ITGB5: variants seen among roughly 807,000 people sequenced by gnomAD.
The protein encoded by ITGB5 is integrin subunit beta 5.
In ITGB5, 38 loss-of-function variants were observed where a neutral mutation model predicts 84.8. The ratio of observed to expected loss-of-function variants is 0.45; its 90% CI spans 0.35 to 0.59. The LOEUF (loss-of-function observed/expected upper bound fraction) is 0.59, where lower values mean the gene tolerates loss of function less well. Among genes scored for constraint, ITGB5 ranks in the 20% least tolerant of loss-of-function variants. The pLI is 0.01. For synonymous variants in ITGB5, 393 were observed against 414.4 expected (o/e 0.95, Z 0.63); for missense variants, 905 against 1,034.5 (o/e 0.87, Z 1.72).
At chr3:124,840,913 C>T (rs1052421908) in intron 5 of ITGB5, among the ~76,000 whole-genome samples, 1 of 152,196 alleles carries the variant, frequency 6.6e-6, no homozygotes, top group African/African-American at 2.4e-5. Context: ...ATCCACCTGC[C>T]TCGGCCTCCC....
chr3:124,890,776 G>A (rs527947645), upstream of ITGB5, among the ~76,000 whole-genome samples: 48 of 152,104 alleles, frequency 3.2e-4, no homozygotes, highest in Non-Finnish European at 5.7e-4. Context: ...TAAATCCTGA[G>A]TGATCCAGGC....
chr3:124,818,672 C>T (rs182601677), intron 7 of ITGB5, among the ~76,000 whole-genome samples: 1 of 152,040 alleles, frequency 6.6e-6, no homozygotes, highest in Admixed American at 6.5e-5. Context: ...CACCACCACG[C>T]CCTGAATAGG....
intron 5 of ITGB5, 44 bp from the exon 6 acceptor site, chr3:124,821,518 G>A (rs757971420): frequency 1.2e-6 from 2 of 1,603,310 alleles, no homozygotes; most frequent in Non-Finnish European, 1.7e-6. Context: ...TTTCTGCCCA[G>A]TCCTGCCCTG....
At position 124,886,933 on chromosome 3, in the gene ITGB5, G is replaced by A; in HGVS notation, c.68C>T (p.Ala23Val). The A allele has an allele frequency of 2.5e-6, 3 of 1,212,956 alleles. No individual in the cohort carries two copies. Among genetic ancestry groups the A allele is most frequent in the Non-Finnish European group, 3.1e-6 (3 of 975,946 alleles). 75.1% of individuals were successfully genotyped at this position (1,212,956 alleles called of 1,614,324 possible). The change falls in exon 1 of 15, where the codon GCA (alanine) becomes GTA (valine). Residue 23 changes from alanine (A) to valine (V), a missense_variant and splice_region_variant. Ala to Val is a moderately conservative substitution (Grantham distance 64, BLOSUM62 0). Coordinates refer to ENST00000296181, the MANE Select transcript of ITGB5 (RefSeq NM_002213.5). ...LGLCALLPRL[A>V]GLNICTSGSA... ...GCGCCGTGGGCGGCGCGGCTTACCT[G>A]CGAGCCGGGGCAGGAGCGCGCAGAG...
At chr3:124,795,476 G>C (rs552070140) in intron 10 of ITGB5, among the ~76,000 whole-genome samples, 1 of 151,574 alleles carries the variant, frequency 6.6e-6, no homozygotes, top group African/African-American at 2.4e-5. Flanking sequence ...GCAACAGAGT[G>C]AGACTCCATC....
At chr3:124,825,664 C>T (rs77982646) in intron 5 of ITGB5, among the ~76,000 whole-genome samples, 3,759 of 152,182 alleles carry the variant, frequency 0.025, 175 homozygotes, top group African/African-American at 0.085. Flanking sequence ...GATCAGTAGT[C>T]GCCAAAGTGG....
At chr3:124,785,502 G>A (rs1308638669) in intron 10 of ITGB5, among the ~76,000 whole-genome samples, 2 of 150,984 alleles carry the variant, frequency 1.3e-5, no homozygotes, top group African/African-American at 2.4e-5. Flanking sequence ...GGAGAATTGC[G>A]TGAACCCGGG....
chr3:124,855,465 T>C (rs1475382592), intron 3 of ITGB5, among the ~76,000 whole-genome samples: 1 of 152,226 alleles, frequency 6.6e-6, no homozygotes, highest in African/African-American at 2.4e-5. Context: ...CCACAAATTC[T>C]TCAGGTTTGC....
At chr3:124,807,869 G>A (rs185447638) in intron 9 of ITGB5, among the ~76,000 whole-genome samples, 3,931 of 145,326 alleles carry the variant, frequency 0.027, 86 homozygotes, top group African/African-American at 0.049. Context: ...GTGAACCCGG[G>A]AGGCAGAGCT....
At chr3:124,832,630 C>G (rs2064876122) in intron 5 of ITGB5, among the ~76,000 whole-genome samples, 1 of 152,198 alleles carries the variant, frequency 6.6e-6, no homozygotes, top group African/African-American at 2.4e-5. Flanking sequence ...AGAGTCTGTT[C>G]TCTGGCTGTG....
chr3:124,793,626 C>T (rs1444119949), intron 10 of ITGB5, among the ~76,000 whole-genome samples: 1 of 152,222 alleles, frequency 6.6e-6, no homozygotes, highest in Non-Finnish European at 1.5e-5. Context: ...TCTCTTATTC[C>T]TCATAACAAC....
chr3:124,883,125 C>T (rs9968182), intron 1 of ITGB5, among the ~76,000 whole-genome samples: 67,171 of 151,986 alleles, frequency 0.44, 15,114 homozygotes, highest in East Asian at 0.67. Flanking sequence ...CAGCTGCACA[C>T]TGCCATGTGA....
chr3:124,829,348 G>T (rs7625270), intron 5 of ITGB5, among the ~76,000 whole-genome samples: 1,572 of 152,346 alleles, frequency 0.01, 21 homozygotes, highest in African/African-American at 0.036. Flanking sequence ...AGATGAAAGC[G>T]TTAGGAGCGC....
At chr3:124,880,458 C>T (rs1174921964) in intron 1 of ITGB5, among the ~76,000 whole-genome samples, 2 of 152,080 alleles carry the variant, frequency 1.3e-5, no homozygotes, top group East Asian at 1.9e-4. Flanking sequence ...TCTTTGAAGG[C>T]TTTTTTAAGG....
At chr3:124,813,281 A>G (rs1465552121) in intron 8 of ITGB5, among the ~76,000 whole-genome samples, 2 of 152,170 alleles carry the variant, frequency 1.3e-5, no homozygotes, top group Non-Finnish European at 2.9e-5. Context: ...ACTCTCACAC[A>G]CCACTCAACA....
chr3:124,818,379 A>G (rs1324972503), intron 7 of ITGB5, among the ~76,000 whole-genome samples: 2 of 151,896 alleles, frequency 1.3e-5, no homozygotes, highest in Non-Finnish European at 2.9e-5. Flanking sequence ...AGGTGTATTT[A>G]GCTCTGAGGA....
At chr3:124,865,933 A>G (rs560292911) in intron 2 of ITGB5, among the ~76,000 whole-genome samples, 2 of 152,250 alleles carry the variant, frequency 1.3e-5, no homozygotes. Context: ...CATCACTGTT[A>G]CATGGAGGAT....
At chr3:124,763,775 C>T (rs996274721) in intron 14 of ITGB5, 57 bp from the exon 15 acceptor site, 42 of 1,028,582 alleles carry the variant, frequency 4.1e-5, no homozygotes, top group South Asian at 1.1e-4. Context: ...ACACTCAAAC[C>T]GACAGACGCA....
In ITGB5 at chr3:124,763,167, C is replaced by T. The variant is rs552633047; in HGVS notation, c.*456G>A. ...AAAAGTCTCAGGACTCAGAACTACACCATAAATGCAGGATCTTTTTATTTC... is the reference window on the plus strand; with the variant it reads ...AAAAGTCTCAGGACTCAGAACTACATCATAAATGCAGGATCTTTTTATTTC... On this transcript the variant is annotated 3_prime_UTR_variant, in exon 15 of 15. Transcript: ENST00000296181. The T allele has an allele frequency of 4.1e-4, 66 of 161,268 alleles. No homozygotes were observed. Among genetic ancestry groups the T allele is most frequent in the African/African-American group, 1.6e-3 (65 of 41,764 alleles). 10.0% of individuals were successfully genotyped at this position (161,268 alleles called of 1,614,324 possible). A position where few individuals can be genotyped will look rare whatever the true frequency, so the allele number is the denominator to read the frequency against.
Sources: allele counts gnomAD v4.1 joint callset (sites outside exome capture counted in the v4.1 genomes callset), GRCh38; gene constraint gnomAD v4.1.1; transcripts MANE v1.5; gene names NCBI Gene and HGNC (gene_info 2026-07-23, HGNC 2026-07-21).